The following BAHCC1 variants were observed in gnomAD, a reference collection of about 807,000 sequenced individuals.
BAHCC1 encodes the protein BAH and coiled-coil domain-containing protein 1.
Under a neutral mutation model 88.2 loss-of-function variants are expected in BAHCC1, and 43 were observed. The ratio of observed to expected loss-of-function variants is 0.49; its 90% CI spans 0.38 to 0.63. The LOEUF (loss-of-function observed/expected upper bound fraction) is 0.63, where lower values mean the gene tolerates loss of function less well. Ranked by LOEUF, BAHCC1 falls within the 20% of genes least tolerant of loss-of-function variation. The probability of loss-of-function intolerance (pLI) is 0.00; values close to 1 mark genes in which losing one functional copy is unlikely to be tolerated. For synonymous variants in BAHCC1, 1,510 were observed against 745.5 expected, an observed-to-expected ratio of 2.03 and a Z score of -16.71; for missense variants, 3,023 against 1,654.8, an observed-to-expected ratio of 1.83 and a Z score of -14.34.
chr17:81,438,588 G>T (rs2064370101), intron 4 of BAHCC1, 96 bp downstream of exon 4: 2 of 694,692 alleles, frequency 2.9e-6, no homozygotes, highest in South Asian at 1.5e-5. Context: ...GCCAGCCTAG[G>T]TTAGCCCTCC....
chr17:81,459,995 G>A (rs1251352623), intron 23 of BAHCC1, among the ~76,000 whole-genome samples: 1 of 152,170 alleles, frequency 6.6e-6, no homozygotes, highest in African/African-American at 2.4e-5. Context: ...GGCGCCTCCA[G>A]GCGGGACTCG....
At position 81,442,673 on chromosome 17, in the gene BAHCC1, G is replaced by T. The variant is rs1555652909; in HGVS notation, c.1324G>T (p.Ala442Ser). The change falls in exon 5 of 28, where the codon GCC (alanine) becomes TCC (serine). Residue 442 changes from alanine (A) to serine (S), a missense_variant. Transcript: ENST00000675386. ...DHAAPYGVSY[A>S]HLKAEGKGER... Reference sequence around the variant, plus strand: ...CGCTGCACCCTATGGAGTCTCCTATGCCCACCTGAAGGCCGAGGGCAAGGG... The same window carrying T: ...CGCTGCACCCTATGGAGTCTCCTATTCCCACCTGAAGGCCGAGGGCAAGGG... The T allele has an allele frequency of 1.3e-6, 1 of 774,664 alleles. No homozygotes were observed. Among genetic ancestry groups the T allele is most frequent in the Non-Finnish European group, 2.4e-6 (1 of 415,832 alleles). The allele number at this position is 774,664 out of a possible 1,614,324, so 48.0% of individuals were successfully genotyped here.
At chr17:81,438,252 G>A in intron 3 of BAHCC1, 118 bp from the exon 4 acceptor site, 2 of 690,868 alleles carry the variant, frequency 2.9e-6, no homozygotes, top group Admixed American at 4.2e-5. Flanking sequence ...CTGCGTGCTG[G>A]GCTCTGCGGG....
intron 2 of BAHCC1, among the ~76,000 whole-genome samples, chr17:81,406,653 G>A (rs2143224809): frequency 6.6e-6 from 1 of 152,346 alleles, no homozygotes; most frequent in Admixed American, 6.5e-5. Flanking sequence ...TTGTCAGTGG[G>A]CTGCCCCTGT....
chr17:81,442,805 A>G lies in BAHCC1; in HGVS notation c.1456A>G (p.Ser486Gly), dbSNP rs1318204982. The G allele has an allele frequency of 1.3e-6, 1 of 779,554 alleles. No individual in the cohort carries two copies. The highest frequency in any genetic ancestry group is 2.4e-5 in the East Asian group (1 of 41,246). The allele number at this position is 779,554 out of a possible 1,614,324, so 48.3% of individuals were successfully genotyped here. ...PEASFPGLPK[S>G]GLDKSGYFEL... ...GGCCTCCTTCCCCGGACTCCCTAAA[A>G]GCGGTCTGGACAAAAGCGGCTACTT... Residue 486 changes from serine to glycine, a missense_variant, in exon 5 of 28, where the codon AGC becomes GGC. Physicochemically the swap from Ser to Gly is moderately conservative, Grantham distance 56. Transcript: ENST00000675386.
At position 81,426,832 on chromosome 17, in the gene BAHCC1, T is replaced by C. The variant is rs2064205515; in HGVS notation, c.211T>C (p.Ser71Pro). The change falls in exon 3 of 28, where the codon TCC (serine) becomes CCC (proline). Residue 71 changes from serine (S) to proline (P), a missense_variant. Physicochemically the swap from Ser to Pro is moderately conservative, Grantham distance 74. Coordinates refer to ENST00000675386, the MANE Select transcript of BAHCC1 (RefSeq NM_001377448.1). ...SSRLMGSSPA[S>P]SFMGSFLTSS... is the part of the protein sequence containing the mutation. The stretch of plus-strand genomic sequence containing the variant: ...CCGCCTGATGGGAAGTTCTCCGGCC[T>C]CCTCGTTCATGGGCAGTTTCCTCAC... 2 of 399,192 alleles carry C rather than the reference T, an allele frequency of 5.0e-6. No individual in the cohort carries two copies. Among genetic ancestry groups the C allele is most frequent in the Admixed American group, 4.4e-5 (1 of 22,716 alleles). The allele number at this position is 399,192 out of a possible 1,614,324, so 24.7% of individuals were successfully genotyped here. A position where few individuals can be genotyped will look rare whatever the true frequency, so the allele number is the denominator to read the frequency against.
chr17:81,419,717 G>A (rs544192744), intron 2 of BAHCC1, among the ~76,000 whole-genome samples: 2 of 152,114 alleles, frequency 1.3e-5, no homozygotes, highest in Admixed American at 6.5e-5. Flanking sequence ...CTGGGCTTCC[G>A]GAAGCAGCGG....
At chr17:81,419,899 G>A (rs1254711131) in intron 2 of BAHCC1, among the ~76,000 whole-genome samples, 2 of 150,164 alleles carry the variant, frequency 1.3e-5, no homozygotes, top group Non-Finnish European at 3.0e-5. Context: ...CCGGCTCCGC[G>A]CCCGCCTCTC....
chr17:81,444,702 C>T lies in BAHCC1; in HGVS notation c.2547C>T (p.Pro849=), dbSNP rs782232882. Residue 849 remains proline, a synonymous_variant, in exon 8 of 28, where the codon CCC becomes CCT. Coordinates refer to ENST00000675386, the MANE Select transcript of BAHCC1 (RefSeq NM_001377448.1). ...LGHPALHQNL[P]PGFPASVAGP... ...ACCCTGCCCTGCACCAGAACCTGCC[C>T]CCCGGCTTCCCCGCCTCCGTGGCTG... is the stretch of plus-strand genomic sequence containing the variant. 35 of 776,532 alleles carry T rather than the reference C, an allele frequency of 4.5e-5. 1 individual carries two copies. The Middle Eastern group carries it at 6.7e-4, about 15-fold the overall frequency. 48.1% of individuals were successfully genotyped at this position (776,532 alleles called of 1,614,324 possible).
intron 4 of BAHCC1, among the ~76,000 whole-genome samples, 176 bp downstream of exon 4, chr17:81,438,668 C>A (rs2064371151): frequency 6.6e-6 from 1 of 152,108 alleles, no homozygotes; most frequent in Non-Finnish European, 1.5e-5. Context: ...GATTTAAACC[C>A]AGGGGCCCAG....
intron 11 of BAHCC1, among the ~76,000 whole-genome samples, chr17:81,449,683 C>G (rs1289567348): frequency 6.6e-6 from 1 of 151,976 alleles, no homozygotes; most frequent in Non-Finnish European, 1.5e-5. Context: ...CCCACCCCCC[C>G]TCGGCCCTCT....
At chr17:81,409,364 C>T (rs1255024605) in intron 2 of BAHCC1, among the ~76,000 whole-genome samples, 3 of 152,184 alleles carry the variant, frequency 2.0e-5, no homozygotes, top group Non-Finnish European at 4.4e-5. Flanking sequence ...GGCTCCTGTC[C>T]CCCGAAGGCT....
At position 81,445,063 on chromosome 17, in the gene BAHCC1, G is replaced by A. The variant is rs782122361; in HGVS notation, c.2720G>A (p.Arg907Gln). 1.4e-5 allele frequency: 11 copies of A among 766,334 alleles called. No homozygotes were observed. The highest frequency in any genetic ancestry group is 2.3e-4 in the Middle Eastern group (1 of 4,438). The allele number at this position is 766,334 out of a possible 1,614,324, so 47.5% of individuals were successfully genotyped here. A position where few individuals can be genotyped will look rare whatever the true frequency, so the allele number is the denominator to read the frequency against. The change falls in exon 9 of 28, where the codon CGG becomes CAG. Residue 907 changes from arginine (R) to glutamine (Q), a missense_variant. Arg to Gln is a conservative substitution (Grantham distance 43, BLOSUM62 1). Transcript: ENST00000675386. Reference sequence around the variant, plus strand: ...CTGTGGCCCCCCATGTACGGGGGCCGGGGCCCCGCCTCTCACATGCAGCAC... The same window carrying A: ...CTGTGGCCCCCCATGTACGGGGGCCAGGGCCCCGCCTCTCACATGCAGCAC... ...ASLWPPMYGG[R>Q]GPASHMQHPG...
intron 11 of BAHCC1, among the ~76,000 whole-genome samples, chr17:81,449,101 G>A (rs182139367): frequency 1.7e-4 from 26 of 152,308 alleles, no homozygotes; most frequent in Middle Eastern, 3.4e-3. Context: ...ACAGGAGCCC[G>A]TTCACTGCAT....
At chr17:81,446,452 C>A (rs1244898381) in intron 10 of BAHCC1, among the ~76,000 whole-genome samples, 12 of 145,868 alleles carry the variant, frequency 8.2e-5, no homozygotes, top group Admixed American at 2.1e-4. Context: ...CCAGCCCCGG[C>A]AGCCAGGGTT....
In BAHCC1 at chr17:81,434,128, G is replaced by T. The variant is rs2064304840; in HGVS notation, c.359-4242G>T. Among the ~76,000 whole-genome samples the T allele has an allele frequency of 6.6e-6, 1 of 152,196 alleles. No homozygotes were observed. The highest frequency in any genetic ancestry group is 2.1e-4 in the South Asian group (1 of 4,836). On this transcript the variant is annotated intron_variant, in intron 3 of 27. Transcript: ENST00000675386. This position sits in a 1 kb window ranked among gnomAD's most constrained non-coding sequence, Gnocchi z 4.9. ...ACAGGGGATCTGGCAGAGTTGGCAG[G>T]AGGTGGGGGAGGGGTGTCTGCTTCT...
chr17:81,453,920 C>T (rs918773918), intron 14 of BAHCC1, among the ~76,000 whole-genome samples: 7 of 152,360 alleles, frequency 4.6e-5, no homozygotes, highest in African/African-American at 1.7e-4. Flanking sequence ...CCTTGTGGCC[C>T]ATGGCTTCCT....
At position 81,442,948 on chromosome 17, in the gene BAHCC1, C is replaced by T. The variant is rs781881364; in HGVS notation, c.1599C>T (p.Ala533=). The T allele has an allele frequency of 1.5e-5, 12 of 778,898 alleles. No homozygotes were observed. Among genetic ancestry groups the T allele is most frequent in the African/African-American group, 8.5e-5 (5 of 59,136 alleles). The allele number at this position is 778,898 out of a possible 1,614,324, so 48.2% of individuals were successfully genotyped here. Residue 533 remains alanine (A), a synonymous_variant, in exon 5 of 28, where the codon GCC becomes GCT. Coordinates refer to ENST00000675386, the MANE Select transcript of BAHCC1 (RefSeq NM_001377448.1). ...AGACTGTTGGCAAGGAAGCCCCGGC[C>T]GGCCCCCCAGGGGCACAGAAGGTGG... is the stretch of plus-strand genomic sequence containing the variant. ...LDKTVGKEAP[A]GPPGAQKVAR...
chr17:81,424,887 G>C (rs2064157039), intron 2 of BAHCC1, among the ~76,000 whole-genome samples: 1 of 150,852 alleles, frequency 6.6e-6, no homozygotes, highest in Admixed American at 6.6e-5. Context: ...TAGGTGATGT[G>C]GTAGTAATGT....
Sources: allele counts gnomAD v4.1 joint callset (sites outside exome capture counted in the v4.1 genomes callset), GRCh38; gene constraint gnomAD v4.1.1; non-coding constraint Gnocchi (gnomAD v3.1); transcripts MANE v1.5; gene names NCBI Gene and HGNC (gene_info 2026-07-23, HGNC 2026-07-21).